CLSTN2: variants seen among roughly 807,000 people sequenced by gnomAD.
CLSTN2 encodes the protein calsyntenin 2, also known as calsyntenin-2.
In CLSTN2, 48 loss-of-function variants were observed where a neutral mutation model predicts 101.2. The observed-to-expected ratio is 0.47, with a 90% CI of 0.38 to 0.60. The LOEUF (loss-of-function observed/expected upper bound fraction) is 0.60. CLSTN2 is among the 20% of genes least tolerant of loss of function. CLSTN2 has a pLI of 0.00. For synonymous variants in CLSTN2, 481 were observed against 463.6 expected (o/e 1.04, Z -0.48); for missense variants, 1,160 against 1,238.2 (o/e 0.94, Z 0.95).
chr3:140,423,441 TA>T (rs1185697577), intron 5 of CLSTN2, among the ~76,000 whole-genome samples: 2 of 152,102 alleles, frequency 1.3e-5, no homozygotes, highest in Admixed American at 6.5e-5. Context: ...AAACTTTGGT[TA>T]AAAAAATGTA....
chr3:140,263,904 A>G (rs767980028), intron 2 of CLSTN2, among the ~76,000 whole-genome samples: 72 of 152,178 alleles, frequency 4.7e-4, no homozygotes, highest in Non-Finnish European at 1.8e-4. Context: ...ACCATATTTA[A>G]TATTTTCATT....
At chr3:140,344,241 C>T (rs2087519415) in intron 2 of CLSTN2, among the ~76,000 whole-genome samples, 1 of 152,176 alleles carries the variant, frequency 6.6e-6, no homozygotes, top group East Asian at 1.9e-4. Flanking sequence ...CAAGTCTGCT[C>T]TACACACAGC....
At chr3:140,078,068 C>A (rs1407991575) in intron 1 of CLSTN2, among the ~76,000 whole-genome samples, 2 of 152,164 alleles carry the variant, frequency 1.3e-5, no homozygotes, top group African/African-American at 2.4e-5. Context: ...AAAGAGGAAG[C>A]AGAGGTCACC....
intron 2 of CLSTN2, among the ~76,000 whole-genome samples, chr3:140,384,452 T>C (rs2107966396): frequency 6.6e-6 from 1 of 152,218 alleles, no homozygotes; most frequent in Admixed American, 6.5e-5. Flanking sequence ...TCTGTGGGGG[T>C]TGTCAGCAGT....
intron 2 of CLSTN2, among the ~76,000 whole-genome samples, chr3:140,282,502 A>G (rs745527864): frequency 5.3e-5 from 8 of 152,332 alleles, no homozygotes; most frequent in Non-Finnish European, 7.3e-5. Context: ...AGATTATCCA[A>G]TAAGCTGAAA....
At chr3:140,333,399 G>A (rs2087407466) in intron 2 of CLSTN2, among the ~76,000 whole-genome samples, 1 of 152,140 alleles carries the variant, frequency 6.6e-6, no homozygotes, top group South Asian at 2.1e-4. Context: ...GATTATCTCT[G>A]AGAACCCCAA....
intron 2 of CLSTN2, among the ~76,000 whole-genome samples, chr3:140,359,128 G>A (rs2087702354): frequency 6.7e-6 from 1 of 149,348 alleles, no homozygotes. Context: ...CAGTTTCTTT[G>A]CTGGCATTTG....
chr3:140,224,752 G>C (rs1330738044), intron 2 of CLSTN2, among the ~76,000 whole-genome samples: 1 of 152,158 alleles, frequency 6.6e-6, no homozygotes, highest in Non-Finnish European at 1.5e-5. Context: ...CACTTATTTA[G>C]CATTGATTAA....
chr3:140,374,067 C>T (rs10212135), intron 2 of CLSTN2, among the ~76,000 whole-genome samples: 145,424 of 152,260 alleles, frequency 0.96, 69,799 homozygotes, highest in East Asian at 1. Flanking sequence ...GTTCTTTGTT[C>T]CCCTGCAGAA....
At chr3:140,157,286 G>A (rs1340490189) in intron 1 of CLSTN2, among the ~76,000 whole-genome samples, 1 of 152,002 alleles carries the variant, frequency 6.6e-6, no homozygotes, top group Non-Finnish European at 1.5e-5. Context: ...CCTCCTCAAT[G>A]TTTTGGAAGA....
intron 5 of CLSTN2, among the ~76,000 whole-genome samples, chr3:140,442,332 A>G (rs750569592): frequency 3.3e-5 from 5 of 152,152 alleles, no homozygotes; most frequent in Non-Finnish European, 7.3e-5. Flanking sequence ...AACTACGTCC[A>G]AGAGCTGACT....
At chr3:140,468,591 G>C (rs895360441) in intron 8 of CLSTN2, among the ~76,000 whole-genome samples, 1 of 152,178 alleles carries the variant, frequency 6.6e-6, no homozygotes, top group African/African-American at 2.4e-5. Context: ...ATGCACGTGG[G>C]AAATTATTCT....
chr3:140,231,553 G>C (rs1295176200), intron 2 of CLSTN2, among the ~76,000 whole-genome samples: 2 of 152,142 alleles, frequency 1.3e-5, no homozygotes, highest in African/African-American at 4.8e-5. Context: ...CATCTCAGGT[G>C]TGGAAAAGTA....
intron 1 of CLSTN2, among the ~76,000 whole-genome samples, chr3:140,127,367 T>C (rs1462387572): frequency 6.6e-6 from 1 of 152,206 alleles, no homozygotes; most frequent in Non-Finnish European, 1.5e-5. Context: ...ATAATGGCTA[T>C]AAAATTCTGA....
chr3:140,001,760 C>T (rs1324717517), intron 1 of CLSTN2, among the ~76,000 whole-genome samples: 1 of 151,718 alleles, frequency 6.6e-6, no homozygotes, highest in Non-Finnish European at 1.5e-5. Flanking sequence ...GTACCTCCTT[C>T]CCCACCCTCT....
chr3:140,231,134 A>G (rs990196055), intron 2 of CLSTN2, among the ~76,000 whole-genome samples: 3 of 152,216 alleles, frequency 2.0e-5, no homozygotes, highest in African/African-American at 7.2e-5. Context: ...TGAGAAAAGT[A>G]TTATCCAGAG....
At chr3:140,034,578 G>T (rs2007619924) in intron 1 of CLSTN2, among the ~76,000 whole-genome samples, 1 of 152,222 alleles carries the variant, frequency 6.6e-6, no homozygotes, top group Admixed American at 6.5e-5. Context: ...TACATGGCTT[G>T]TAGGCTTAGG....
At chr3:139,973,343 G>A (rs1363667263) in intron 1 of CLSTN2, among the ~76,000 whole-genome samples, 2 of 152,248 alleles carry the variant, frequency 1.3e-5, no homozygotes, top group Non-Finnish European at 2.9e-5. Flanking sequence ...CCAGCCACAG[G>A]CTTGTTAGTG....
chr3:140,513,956 TC>T (rs1448477248), intron 8 of CLSTN2, among the ~76,000 whole-genome samples: 2 of 152,122 alleles, frequency 1.3e-5, no homozygotes, highest in Non-Finnish European at 2.9e-5. Context: ...ACTTATCATT[TC>T]TGATTGTGTC....
Sources: gnomAD v4.1 joint callset for allele counts (sites outside exome capture counted in the v4.1 genomes callset) on GRCh38, gnomAD v4.1.1 for gene constraint, MANE v1.5 for transcripts, NCBI Gene and HGNC (gene_info 2026-07-23, HGNC 2026-07-21) for gene names.